The following CDK20 variants were observed in gnomAD, a reference collection of about 807,000 sequenced individuals.
CDK20 encodes the protein cyclin dependent kinase 20.
A neutral mutation model predicts 38.6 loss-of-function variants in CDK20; 40 were observed. The ratio of observed to expected loss-of-function variants is 1.04; its 90% confidence interval spans 0.81 to 1.35. The LOEUF (loss-of-function observed/expected upper bound fraction) is 1.35, where lower values mean the gene tolerates loss of function less well. Ranked by LOEUF, CDK20 falls within the 40% of genes most tolerant of loss-of-function variation. CDK20 has a pLI of 0.00. For synonymous variants in CDK20, 209 were observed against 185.7 expected (o/e 1.13, Z -1.02); for missense variants, 512 against 452.6 (o/e 1.13, Z -1.19).
intron 2 of CDK20, among the ~76,000 whole-genome samples, chr9:87,972,879 C>T (rs540411451): frequency 1.1e-4 from 16 of 152,284 alleles, no homozygotes; most frequent in South Asian, 4.1e-4. Context: ...TTGCTGTTTT[C>T]GGATTTTTCA....
Position 87,974,506 on chromosome 9 carries a change from T to C in CDK20, c.-60A>G. On this transcript the variant is annotated 5_prime_UTR_variant, in exon 1 of 8. Coordinates refer to ENST00000325303, the MANE Select transcript of CDK20 (RefSeq NM_001039803.3). ...CTGAACTTCCAAACTCCACTTCTCC[T>C]CCACCCCACGCTGATCTGAGCTCGC... is the stretch of plus-strand genomic sequence containing the variant. 6.9e-7 allele frequency: 1 copy of C among 1,455,460 alleles called. No individual in the cohort carries two copies. Among genetic ancestry groups the C allele is most frequent in the Non-Finnish European group, 9.4e-7 (1 of 1,066,468 alleles). The allele number at this position is 1,455,460 out of a possible 1,614,324, so 90.2% of individuals were successfully genotyped here.
At chr9:87,972,609 A>G (rs1045675077) in intron 2 of CDK20, among the ~76,000 whole-genome samples, 26 of 152,220 alleles carry the variant, frequency 1.7e-4, no homozygotes, top group Non-Finnish European at 2.6e-4. Flanking sequence ...CCGATGACTT[A>G]ACTTACACTT....
rs1240327568 is a variant in CDK20 at position 87,969,322 on chromosome 9, T to G, written c.715A>C (p.Lys239Gln). The change falls in exon 7 of 8, where the codon AAG becomes CAG. Residue 239 changes from lysine (K) to glutamine (Q), a missense_variant. Transcript: ENST00000325303. ...GGCACCTGCTCCTTAAAGGAGATCT[T>G]GTTGTAGTCCGGCAGCTCAGTGAGC... ...PELTELPDYN[K>Q]ISFKEQVPMP... 1 of 1,613,702 alleles carries G rather than the reference T, an allele frequency of 6.2e-7. No homozygotes were observed.
chr9:87,967,763 T>C, intron 7 of CDK20, 104 bp from the exon 8 acceptor site: 4 of 1,031,514 alleles, frequency 3.9e-6, no homozygotes, highest in Non-Finnish European at 5.5e-6. Flanking sequence ...ACTCAGTGTG[T>C]CTGGGTGTTT....
Position 87,973,914 on chromosome 9 carries a change from C to A in CDK20, c.189+8G>T, listed in dbSNP as rs753311736. 6.2e-7 allele frequency: 1 copy of A among 1,613,096 alleles called. No homozygotes were observed. Among genetic ancestry groups the A allele is most frequent in the Non-Finnish European group, 8.5e-7 (1 of 1,179,452 alleles). ...GTGAGAATACCATGCCCCCCCTCCC[C>A]TACTCACATACTGATTGTCCTCCAT... On this transcript the variant is annotated splice_region_variant and intron_variant, in intron 2 of 7. Transcript: ENST00000325303.
intron 7 of CDK20, chr9:87,968,891 A>G: frequency 2.5e-6 from 1 of 405,178 alleles, no homozygotes; most frequent in Non-Finnish European, 4.5e-6. Flanking sequence ...TGTATCTGCC[A>G]CAGGGTCAGG....
At chr9:87,969,961 A>G in intron 5 of CDK20, 42 bp from the exon 6 acceptor site, 3 of 1,521,242 alleles carry the variant, frequency 2.0e-6, no homozygotes, top group Non-Finnish European at 2.6e-6. Flanking sequence ...ATCTCCCACC[A>G]TGGACCACAG....
rs1690968167 is a variant in CDK20, at chr9:87,969,881, G to T, written c.602C>A (p.Ser201Tyr). ...GCIMGELLNG[S>Y]PLFPGKNDIE... ...ATCGTTCTTGCCCGGGAAAAGGGGG[G>T]ACCCATTCAACAGCTCCCCCATGAT... The change falls in exon 6 of 8, where the codon TCC (serine) becomes TAC (tyrosine). Residue 201 changes from serine to tyrosine, a missense_variant. Ser to Tyr is a moderately radical substitution (Grantham distance 144). Coordinates refer to ENST00000325303, the MANE Select transcript of CDK20 (RefSeq NM_001039803.3). The T allele has an allele frequency of 5.0e-6, 8 of 1,600,238 alleles. No individual in the cohort carries two copies. Among genetic ancestry groups the T allele is most frequent in the East Asian group, 2.2e-5 (1 of 44,686 alleles).
chr9:87,971,841 C>G (rs959388762), intron 2 of CDK20, among the ~76,000 whole-genome samples: 1 of 151,990 alleles, frequency 6.6e-6, no homozygotes, highest in Non-Finnish European at 1.5e-5. Flanking sequence ...ACTCACAGCA[C>G]AAAGGACAAA....
At chr9:87,967,947 A>G in intron 7 of CDK20, 1 of 280,478 alleles carries the variant, frequency 3.6e-6, no homozygotes, top group Non-Finnish European at 6.7e-6. Flanking sequence ...GAGAGAAAGC[A>G]AGACAGAGGA....
At chr9:87,971,089 C>T in intron 3 of CDK20, 58 bp downstream of exon 3, 1 of 1,568,614 alleles carries the variant, frequency 6.4e-7, no homozygotes, top group South Asian at 1.2e-5. Flanking sequence ...AGGGCTAGCC[C>T]CATCCCCAAG....
Position 87,966,927 on chromosome 9 carries a change from T to C in CDK20, c.*535A>G, listed in dbSNP as rs537195482. The C allele has an allele frequency of 2.4e-4, 97 of 400,914 alleles. 1 individual carries two copies. Among genetic ancestry groups the C allele is most frequent in the African/African-American group, 1.9e-3 (94 of 48,498 alleles). 24.8% of individuals were successfully genotyped at this position (400,914 alleles called of 1,614,324 possible). ...CCATGAGACAATGCCACCTTAGCCATTTCCCTTGAGAGAAATGAAGGAGGA... is the reference window on the plus strand; with the variant it reads ...CCATGAGACAATGCCACCTTAGCCACTTCCCTTGAGAGAAATGAAGGAGGA... On this transcript the variant is annotated 3_prime_UTR_variant, in exon 8 of 8. Coordinates refer to ENST00000325303, the MANE Select transcript of CDK20 (RefSeq NM_001039803.3).
rs200054133 is a variant in CDK20 at position 87,973,995 on chromosome 9, C to G, written c.116G>C (p.Arg39Pro). 229 of 1,614,178 alleles carry G rather than the reference C, an allele frequency of 1.4e-4. 3 individuals carry two copies. In the South Asian group the frequency reaches 2.0e-3, roughly 14 times the overall value. The change falls in exon 2 of 8, where the codon CGG (arginine) becomes CCG (proline). Residue 39 changes from arginine to proline, a missense_variant. Coordinates refer to ENST00000325303, the MANE Select transcript of CDK20 (RefSeq NM_001039803.3). ...IVALKKVALR[R>P]LEDGFPNQAL... ...CTGGTTAGGGAAGCCGTCCTCCAACCGCCTTAGGGCCACCTTCTTGAGGGC... is the reference window on the plus strand; with the variant it reads ...CTGGTTAGGGAAGCCGTCCTCCAACGGCCTTAGGGCCACCTTCTTGAGGGC...
At position 87,967,578 on chromosome 9, in the gene CDK20, G is replaced by T. The variant is rs1203283437; in HGVS notation, c.925C>A (p.Pro309Thr). 1.9e-6 allele frequency: 3 copies of T among 1,546,832 alleles called. No individual in the cohort carries two copies. The highest frequency in any genetic ancestry group is 4.9e-5 in the East Asian group (2 of 40,878). The stretch of plus-strand genomic sequence containing the variant: ...GGCCCTGGATGGGCCTTGGGGGCAG[G>T]TCCCCCTAGACGCTGAGGAATCGGC... Reference protein sequence around the residue: ...ELPIPQRLGGPAPKAHPGPPH... With the variant: ...ELPIPQRLGGTAPKAHPGPPH... Residue 309 changes from proline to threonine, a missense_variant, in exon 8 of 8, where the codon CCT becomes ACT. By Grantham distance (38) the Pro-to-Thr change is conservative (BLOSUM62 -1). Transcript: ENST00000325303.
intron 5 of CDK20, chr9:87,970,155 G>A (rs1829748665): frequency 4.3e-6 from 2 of 464,176 alleles, no homozygotes; most frequent in Non-Finnish European, 3.7e-6. Context: ...TTCTGGGGCA[G>A]ACCTGCAAAC....
Position 87,974,497 on chromosome 9 carries a change from C to T in CDK20, c.-51G>A. ...CCTGTGCCCCTGAACTTCCAAACTC[C>T]ACTTCTCCTCCACCCCACGCTGATC... is the stretch of plus-strand genomic sequence containing the variant. On this transcript the variant is annotated 5_prime_UTR_variant, in exon 1 of 8. Transcript: ENST00000325303. 2.0e-6 allele frequency: 3 copies of T among 1,529,006 alleles called. No homozygotes were observed. Among genetic ancestry groups the T allele is most frequent in the Non-Finnish European group, 2.7e-6 (3 of 1,120,634 alleles). The allele number at this position is 1,529,006 out of a possible 1,614,324, so 94.7% of individuals were successfully genotyped here.
chr9:87,969,249 T>C lies in CDK20; in HGVS notation c.788A>G (p.Asp263Gly). 2 of 1,613,930 alleles carry C rather than the reference T, an allele frequency of 1.2e-6. No homozygotes were observed. Among genetic ancestry groups the C allele is most frequent in the Non-Finnish European group, 1.7e-6 (2 of 1,179,940 alleles). ...VLPDVSPQAL[D>G]LLGQFLLYPP... ...GTAGAGAAGGAATTGACCCAGCAGA[T>C]CCAATGCCTGGGGAGAGACGTCAGG... The change falls in exon 7 of 8, where the codon GAT (aspartate) becomes GGT (glycine). Residue 263 changes from aspartate (D) to glycine (G), a missense_variant. Asp to Gly is a moderately conservative substitution (Grantham distance 94). Coordinates refer to ENST00000325303, the MANE Select transcript of CDK20 (RefSeq NM_001039803.3).
At chr9:87,974,296 G>A (rs1830077341) in intron 1 of CDK20, 76 bp downstream of exon 1, 2 of 1,473,638 alleles carry the variant, frequency 1.4e-6, no homozygotes, top group Non-Finnish European at 1.9e-6. Flanking sequence ...AAAGGGAACC[G>A]AAACAGTTTA....
chr9:87,970,375 C>G, intron 5 of CDK20, 193 bp downstream of exon 5: 1 of 589,676 alleles, frequency 1.7e-6, no homozygotes, highest in Non-Finnish European at 3.0e-6. Context: ...CCCACCTGGC[C>G]CCTACCCAGC....
Sources: gnomAD v4.1 joint callset for allele counts (sites outside exome capture counted in the v4.1 genomes callset) on GRCh38, gnomAD v4.1.1 for gene constraint, MANE v1.5 for transcripts, NCBI Gene and HGNC (gene_info 2026-07-23, HGNC 2026-07-21) for gene names.